The following EPB41L3 variants were observed in gnomAD, a reference collection of about 807,000 sequenced individuals.
EPB41L3 encodes erythrocyte membrane protein band 4.1 like 3.
A neutral mutation model predicts 127.1 loss-of-function variants in EPB41L3; 57 were observed. That is an observed-to-expected ratio of 0.45 (90% confidence interval 0.36 to 0.56). EPB41L3 has a LOEUF of 0.56. Among genes scored for constraint, EPB41L3 ranks in the 20% least tolerant of loss-of-function variants. EPB41L3 has a pLI of 0.00. For synonymous variants in EPB41L3, 572 were observed against 549.5 expected, an observed-to-expected ratio of 1.04 and a Z score of -0.57; for missense variants, 1,273 against 1,372.2, an observed-to-expected ratio of 0.93 and a Z score of 1.14.
At chr18:5,537,948 T>G (rs564846368) in intron 1 of EPB41L3, among the ~76,000 whole-genome samples, 1 of 152,186 alleles carries the variant, frequency 6.6e-6, no homozygotes. Context: ...CATTACATAT[T>G]ATAAAGTACA....
At chr18:5,439,337 T>C (rs1436054618) in intron 5 of EPB41L3, among the ~76,000 whole-genome samples, 1 of 152,194 alleles carries the variant, frequency 6.6e-6, no homozygotes, top group Non-Finnish European at 1.5e-5. Flanking sequence ...TTAAATGACT[T>C]CTGGAAACTC....
chr18:5,612,619 C>T (rs1464286438), intron 2 of EPB41L3, among the ~76,000 whole-genome samples: 2 of 152,216 alleles, frequency 1.3e-5, no homozygotes, highest in Non-Finnish European at 2.9e-5. Context: ...AGGAAGAGCA[C>T]AGTTAATCCT....
intron 16 of EPB41L3, among the ~76,000 whole-genome samples, chr18:5,401,825 A>G (rs2074542678): frequency 6.6e-6 from 1 of 152,106 alleles, no homozygotes; most frequent in Admixed American, 6.5e-5. Flanking sequence ...GTGGCAATAC[A>G]TTAGCTACCA....
At position 5,526,014 on chromosome 18, in the gene EPB41L3, C is replaced by A. The variant is rs557427105; in HGVS notation, c.-12+17899G>T. The stretch of plus-strand genomic sequence containing the variant: ...CTCTTTGCAGTATCAGATAAAAGGC[C>A]ACCAAGAAACGAGACAGCTCTATCA... On this transcript the variant is annotated intron_variant, in intron 1 of 22. Transcript: ENST00000341928. 3.3e-5 allele frequency among the ~76,000 whole-genome samples: 5 copies of A among 152,148 alleles called. No homozygotes were observed. In the East Asian group the frequency reaches 9.7e-4, roughly 29 times the overall value.
chr18:5,394,193 T>TA (rs2072923480), intron 22 of EPB41L3: 1 of 153,316 alleles, frequency 6.5e-6, no homozygotes, highest in African/African-American at 2.4e-5. Context: ...ATAAACAGGT[T>TA]ACAATCAAAC....
intron 1 of EPB41L3, among the ~76,000 whole-genome samples, chr18:5,617,159 A>G (rs1272707231): frequency 6.6e-6 from 1 of 152,154 alleles, no homozygotes; most frequent in Non-Finnish European, 1.5e-5. Flanking sequence ...TTGTTTTTAT[A>G]TACTGGCCTC....
At chr18:5,436,363 C>G (rs774781569) in intron 6 of EPB41L3, among the ~76,000 whole-genome samples, 57 of 150,494 alleles carry the variant, frequency 3.8e-4, no homozygotes, top group Non-Finnish European at 7.2e-4. Flanking sequence ...ACAAATATTA[C>G]ATGAGTCAAC....
At chr18:5,419,598 G>T in intron 12 of EPB41L3, 113 bp downstream of exon 12, 1 of 1,408,772 alleles carries the variant, frequency 7.1e-7, no homozygotes, top group Non-Finnish European at 9.7e-7. Flanking sequence ...TGTGACCAGT[G>T]CTGACATATG....
intron 3 of EPB41L3, among the ~76,000 whole-genome samples, chr18:5,603,737 C>T (rs1240673311): frequency 6.6e-6 from 1 of 151,944 alleles, no homozygotes; most frequent in African/African-American, 2.4e-5. Flanking sequence ...AAAAAATAGC[C>T]TGGCATGGTG....
At chr18:5,448,863 A>G (rs1428838006) in intron 3 of EPB41L3, among the ~76,000 whole-genome samples, 1 of 152,226 alleles carries the variant, frequency 6.6e-6, no homozygotes, top group Non-Finnish European at 1.5e-5. Context: ...GTAAATGGAC[A>G]TACTGAGTCC....
intron 3 of EPB41L3, among the ~76,000 whole-genome samples, chr18:5,559,300 G>T (rs2094087855): frequency 6.6e-6 from 1 of 152,130 alleles, no homozygotes; most frequent in Non-Finnish European, 1.5e-5. Context: ...AAATTTCTCA[G>T]ATTTCTTAAC....
chr18:5,555,239 A>G (rs549081023), intron 3 of EPB41L3, among the ~76,000 whole-genome samples: 45 of 152,230 alleles, frequency 3.0e-4, no homozygotes, highest in African/African-American at 9.6e-4. Context: ...CCCAAGTTCC[A>G]GGACCTCCCA....
At chr18:5,459,220 C>T (rs1599219926) in intron 3 of EPB41L3, among the ~76,000 whole-genome samples, 1 of 152,026 alleles carries the variant, frequency 6.6e-6, no homozygotes, top group East Asian at 1.9e-4. Context: ...ATTGCCTGGT[C>T]CCAGGAATTG....
At position 5,562,332 on chromosome 18, in the gene EPB41L3, A is replaced by G. The variant is rs78835209; in HGVS notation, c.-306+50008T>C. Reference sequence around the variant, plus strand: ...AAGGTAAAAAAAAAGATTAAAAAATATAACTTGCTTTGTTGCTCTGTGTCC... The same window carrying G: ...AAGGTAAAAAAAAAGATTAAAAAATGTAACTTGCTTTGTTGCTCTGTGTCC... On this transcript the variant is annotated intron_variant, in intron 3 of 21. Coordinates refer to the EPB41L3 transcript ENST00000545076. 3.5e-4 allele frequency among the ~76,000 whole-genome samples: 53 copies of G among 152,356 alleles called. 1 individual carries two copies. In the East Asian group the frequency reaches 9.3e-3, roughly 27 times the overall value.
chr18:5,464,786 T>C (rs903262231), intron 3 of EPB41L3, among the ~76,000 whole-genome samples: 1 of 152,126 alleles, frequency 6.6e-6, no homozygotes, highest in Non-Finnish European at 1.5e-5. Flanking sequence ...AGTTACTAAG[T>C]AAGAAATCAG....
intron 5 of EPB41L3, among the ~76,000 whole-genome samples, chr18:5,443,402 G>A (rs1424181389): frequency 1.3e-5 from 2 of 152,168 alleles, no homozygotes; most frequent in Admixed American, 6.5e-5. Flanking sequence ...ATTAAAATAC[G>A]TATTTTTCAA....
chr18:5,625,370 A>G (rs577878782), intron 1 of EPB41L3, among the ~76,000 whole-genome samples: 1 of 152,036 alleles, frequency 6.6e-6, no homozygotes, highest in African/African-American at 2.4e-5. Flanking sequence ...CACCACGGGG[A>G]CCCTGACGTT....
intron 22 of EPB41L3, 198 bp from the exon 23 acceptor site, chr18:5,393,676 G>A (rs2072771024): frequency 2.2e-6 from 1 of 448,044 alleles, no homozygotes; most frequent in Non-Finnish European, 3.9e-6. Context: ...TGAAGCTCAT[G>A]GAAGAAATCT....
At chr18:5,423,903 T>C (rs1410384053) in intron 10 of EPB41L3, among the ~76,000 whole-genome samples, 1 of 152,118 alleles carries the variant, frequency 6.6e-6, no homozygotes, top group African/African-American at 2.4e-5. Context: ...TTGATGGGTC[T>C]CGTACCATGC....
Sources: gnomAD v4.1 joint callset for allele counts (sites outside exome capture counted in the v4.1 genomes callset) on GRCh38, gnomAD v4.1.1 for gene constraint, MANE v1.5 for transcripts, NCBI Gene and HGNC (gene_info 2026-07-23, HGNC 2026-07-21) for gene names.